Variants in GGA3 observed in about 807,000 individuals in gnomAD.
GGA3 encodes golgi associated, gamma adaptin ear containing, ARF binding protein 3.
In GGA3, 57 loss-of-function variants were observed where a neutral mutation model predicts 77.5. The observed-to-expected ratio is 0.74, with a 90% CI of 0.59 to 0.92. The LOEUF is 0.92. Ranked by LOEUF, GGA3 falls within the 40% of genes least tolerant of loss-of-function variation. The pLI, the probability that GGA3 is intolerant of heterozygous loss-of-function variation, is 0.00. For missense variants in GGA3, 970 were observed against 914.9 expected (o/e 1.06, Z -0.78); for synonymous variants, 416 against 383.7 (o/e 1.08, Z -0.98).
rs1208904838 is a variant in GGA3 at position 75,242,918 on chromosome 17, G to C, written c.529-7C>G. 1.2e-6 allele frequency: 2 copies of C among 1,611,074 alleles called. No individual in the cohort carries two copies. Among genetic ancestry groups the C allele is most frequent in the East Asian group, 4.5e-5 (2 of 44,884 alleles). ...TCAGCAGCTTGGCTAAAAGCTGAGA[G>C]AGGAGGAAATCAGAGGTGAAGGGAA... On this transcript the variant is annotated splice_polypyrimidine_tract_variant and splice_region_variant and intron_variant, in intron 6 of 16. Coordinates refer to ENST00000537686, the MANE Select transcript of GGA3 (RefSeq NM_138619.4).
rs2076582931 is a variant in GGA3 at position 75,242,219 on chromosome 17, T to C, written c.747+117A>G. 5 of 1,079,204 alleles carry C rather than the reference T, an allele frequency of 4.6e-6. No homozygotes were observed. In the Admixed American group the frequency reaches 8.9e-5, roughly 19 times the overall value. The allele number at this position is 1,079,204 out of a possible 1,614,324, so 66.9% of individuals were successfully genotyped here. On this transcript the variant is annotated intron_variant, in intron 8 of 16. Transcript: ENST00000537686. ...CTGTGCAGATGAGTAAGGTCATGAA[T>C]ACACTGCCAAGTGCACAGCCCGTGT...
rs1358119252 is a variant in GGA3 at position 75,237,679 on chromosome 17, G to A, written c.*600C>T. 5 of 1,475,744 alleles carry A rather than the reference G, an allele frequency of 3.4e-6. No homozygotes were observed. The highest frequency in any genetic ancestry group is 1.4e-5 in the African/African-American group (1 of 71,642). The allele number at this position is 1,475,744 out of a possible 1,614,324, so 91.4% of individuals were successfully genotyped here. A position where few individuals can be genotyped will look rare whatever the true frequency, so the allele number is the denominator to read the frequency against. On this transcript the variant is annotated 3_prime_UTR_variant, in exon 17 of 17. Coordinates refer to ENST00000537686, the MANE Select transcript of GGA3 (RefSeq NM_138619.4). ...ACAAGCACACAACTCATCACTCCGT[G>A]GCCATTCCAGGACGATGCTGTCCAC...
Position 75,241,498 on chromosome 17 carries a change from C to G in GGA3, c.848G>C (p.Ser283Thr). The part of the protein sequence containing the change: ...DNSLGDILQA[S>T]DNLSRVINSY... ...GTTGATGACCCGGGAGAGGTTGTCA[C>G]TGGCTTGCAGGATGTCCCCTGGAGC... Residue 283 changes from serine to threonine, a missense_variant, in exon 10 of 17, where the codon AGT becomes ACT. Ser to Thr is a moderately conservative substitution (Grantham distance 58). Transcript: ENST00000537686. 4 of 1,613,622 alleles carry G rather than the reference C, an allele frequency of 2.5e-6. No individual in the cohort carries two copies. Among genetic ancestry groups the G allele is most frequent in the Non-Finnish European group, 3.4e-6 (4 of 1,179,498 alleles).
chr17:75,262,261 A>T, upstream of GGA3: 1 of 639,362 alleles, frequency 1.6e-6, no homozygotes, highest in Non-Finnish European at 2.7e-6. Context: ...ATGGGTGTGT[A>T]GGCGCCAAGC....
At chr17:75,261,867 G>A (rs752119103), upstream of GGA3, 27 of 1,598,840 alleles carry the variant, frequency 1.7e-5, no homozygotes, top group African/African-American at 3.5e-4. Context: ...GCGCGCCGAG[G>A]GCAGTCCTTG....
At chr17:75,261,514 T>C in intron 1 of GGA3, 34 bp downstream of exon 1, 1 of 1,483,882 alleles carries the variant, frequency 6.7e-7, no homozygotes, top group Non-Finnish European at 9.0e-7. Context: ...GCCCAGCGGC[T>C]CGAGGGCAGG....
At chr17:75,253,218 C>G (rs999361251) in intron 1 of GGA3, among the ~76,000 whole-genome samples, 1 of 152,204 alleles carries the variant, frequency 6.6e-6, no homozygotes, top group Admixed American at 6.5e-5. Context: ...CCTCTTCTTA[C>G]TCTCTTCTCC....
intron 1 of GGA3, among the ~76,000 whole-genome samples, 169 bp downstream of exon 1, chr17:75,261,379 C>CCCTGATAGGGCGCCCTGATAGGGAAGG: frequency 6.6e-6 from 1 of 152,240 alleles, no homozygotes; most frequent in African/African-American, 2.4e-5. Flanking sequence ...GACTGGGGCC[C>CCCTGATAGGGCGCCCTGATAGGGAAGG]GGCGCCCTGA....
intron 1 of GGA3, among the ~76,000 whole-genome samples, chr17:75,261,134 G>A (rs1402414812): frequency 6.6e-6 from 1 of 152,232 alleles, no homozygotes; most frequent in Non-Finnish European, 1.5e-5. Context: ...CACCACTACC[G>A]GAGACTCAGC....
intron 14 of GGA3, 118 bp downstream of exon 14, chr17:75,239,257 C>T (rs2076435275): frequency 9.7e-7 from 1 of 1,026,066 alleles, no homozygotes; most frequent in Non-Finnish European, 1.4e-6. Flanking sequence ...GCAGGGAGGC[C>T]TGCCTGGCTT....
In GGA3 at chr17:75,240,731, C is replaced by T. The variant is rs113447307; in HGVS notation, c.1192+81G>A. On this transcript the variant is annotated intron_variant, in intron 11 of 16. Coordinates refer to ENST00000537686, the MANE Select transcript of GGA3 (RefSeq NM_138619.4). ...CACCCCAACAGTCACACTGGGGCCC[C>T]GCTCAGGGCTCCTAATTCCACACAC... 7.7e-5 allele frequency: 112 copies of T among 1,463,228 alleles called. No individual in the cohort carries two copies. In the African/African-American group the frequency reaches 1.0e-3, roughly 14 times the overall value. The allele number at this position is 1,463,228 out of a possible 1,614,324, so 90.6% of individuals were successfully genotyped here.
At position 75,239,513 on chromosome 17, in the gene GGA3, T is replaced by C; in HGVS notation, c.1642A>G (p.Arg548Gly). 6.4e-7 allele frequency: 1 copy of C among 1,570,432 alleles called. No homozygotes were observed. ...CCCGTGGAGAAGGGCAGGAGGGGCC[T>C]GGCTGGGGTGGTGGTGGGGATGAGA... ...SPLIPTTTPA[R>G]PLLPFSTGPG... Residue 548 changes from arginine (R) to glycine (G), a missense_variant, in exon 14 of 17, where the codon AGG becomes GGG. Transcript: ENST00000537686.
Position 75,246,742 on chromosome 17 carries a change from A to C in GGA3, c.95T>G (p.Phe32Cys). Residue 32 changes from phenylalanine to cysteine, a missense_variant, in exon 2 of 17, where the codon TTC becomes TGC. Physicochemically the swap from Phe to Cys is radical, Grantham distance 205. Transcript: ENST00000537686. Reference sequence around the variant, plus strand: ...CAGCTCCTTGTTGATCTGATCACAGAAGCCAATTATGTATTCCCAGTCCTC... The same window carrying C: ...CAGCTCCTTGTTGATCTGATCACAGCAGCCAATTATGTATTCCCAGTCCTC... Reference protein sequence around the residue: ...RQEDWEYIIGFCDQINKELEG... With the variant: ...RQEDWEYIIGCCDQINKELEG... 1 of 1,614,018 alleles carries C rather than the reference A, an allele frequency of 6.2e-7. No individual in the cohort carries two copies. Among genetic ancestry groups the C allele is most frequent in the South Asian group, 1.1e-5 (1 of 91,086 alleles).
At chr17:75,238,796 G>T in intron 15 of GGA3, 34 bp from the exon 16 acceptor site, 2 of 1,587,288 alleles carry the variant, frequency 1.3e-6, no homozygotes, top group Non-Finnish European at 1.7e-6. Context: ...AAGAGAACTG[G>T]TAGGTGCCCC....
chr17:75,243,718 G>C, intron 4 of GGA3, 148 bp from the exon 5 acceptor site: 1 of 731,368 alleles, frequency 1.4e-6, no homozygotes, highest in Non-Finnish European at 2.2e-6. Flanking sequence ...GAGACAGCGT[G>C]GGGAGGGGAA....
chr17:75,245,227 T>G (rs2076712742), intron 3 of GGA3, among the ~76,000 whole-genome samples: 1 of 152,374 alleles, frequency 6.6e-6, no homozygotes, highest in South Asian at 2.1e-4. Context: ...TTTCCTGTGC[T>G]GCCTGTGGTC....
At position 75,239,940 on chromosome 17, in the gene GGA3, T is replaced by C. The variant is rs1056776228; in HGVS notation, c.1432A>G (p.Ser478Gly). The change falls in exon 13 of 17, where the codon AGT becomes GGT. Residue 478 changes from serine (S) to glycine (G), a missense_variant. Transcript: ENST00000537686. ...GTAGAAAACAAGGAGGAGCCCGCAC[T>C]GGGGGCAGGAACACTGGCTGGGACC... is the stretch of plus-strand genomic sequence containing the variant. ...PVVPASVPAP[S>G]AGSSLFSTGV... The C allele has an allele frequency of 3.1e-6, 5 of 1,591,480 alleles. No homozygotes were observed. Among genetic ancestry groups the C allele is most frequent in the South Asian group, 2.3e-5 (2 of 88,778 alleles).
Position 75,240,415 on chromosome 17 carries a change from G to C in GGA3, c.1193-3C>G. 1.3e-6 allele frequency: 2 copies of C among 1,584,072 alleles called. No individual in the cohort carries two copies. The highest frequency in any genetic ancestry group is 1.1e-5 in the South Asian group (1 of 87,078). On this transcript the variant is annotated splice_polypyrimidine_tract_variant and splice_region_variant and intron_variant, in intron 11 of 16. Coordinates refer to ENST00000537686, the MANE Select transcript of GGA3 (RefSeq NM_138619.4). ...ATTAGGGGCTGGGTCGGCGAGGCCT[G>C]ACAATAGAGAAGAAAACAGGATGAG... is the stretch of plus-strand genomic sequence containing the variant.
chr17:75,261,967 G>C, upstream of GGA3: 3 of 1,605,568 alleles, frequency 1.9e-6, no homozygotes. Flanking sequence ...GCGGCGGGCT[G>C]TCTTGCAGCT....
Sources: allele counts gnomAD v4.1 joint callset (sites outside exome capture counted in the v4.1 genomes callset), GRCh38; gene constraint gnomAD v4.1.1; transcripts MANE v1.5; gene names NCBI Gene and HGNC (gene_info 2026-07-23, HGNC 2026-07-21).